COMMD1: variants seen among roughly 807,000 people sequenced by gnomAD.
The protein encoded by COMMD1 is copper metabolism domain containing 1, also known as COMM domain-containing protein 1.
A neutral mutation model predicts 17.2 loss-of-function variants in COMMD1; 10 were observed. That is an observed-to-expected ratio of 0.58 (90% CI 0.36 to 0.99). The LOEUF (loss-of-function observed/expected upper bound fraction) is 0.99, where lower values mean the gene tolerates loss of function less well. Ranked by LOEUF, COMMD1 falls within the 50% of genes least tolerant of loss-of-function variation. The pLI is 0.01. For synonymous variants in COMMD1, 97 were observed against 91.6 expected (o/e 1.06, Z -0.34); for missense variants, 270 against 231.8 (o/e 1.17, Z -1.07).
chr2:62,024,109 TC>T (rs1669689716), intron 2 of COMMD1, among the ~76,000 whole-genome samples: 1 of 152,224 alleles, frequency 6.6e-6, no homozygotes, highest in Non-Finnish European at 1.5e-5. Context: ...ACCATCATAA[TC>T]CAAATTTAAT....
chr2:62,010,336 C>G (rs1176135174), intron 2 of COMMD1, among the ~76,000 whole-genome samples: 4 of 151,910 alleles, frequency 2.6e-5, no homozygotes, highest in African/African-American at 9.7e-5. Context: ...CAGCTTCCTT[C>G]TAATCCTCAC....
intron 2 of COMMD1, among the ~76,000 whole-genome samples, chr2:62,091,713 G>A (rs142259128): frequency 5.8e-4 from 88 of 152,320 alleles, no homozygotes; most frequent in Non-Finnish European, 9.7e-4. Context: ...ACAAGCACGG[G>A]GCTGGTGGTT....
At chr2:61,920,315 A>G (rs1008857678) in intron 1 of COMMD1, among the ~76,000 whole-genome samples, 15 of 152,094 alleles carry the variant, frequency 9.9e-5, no homozygotes, top group Non-Finnish European at 1.5e-4. Context: ...GTTGGATACT[A>G]TGCTAATCAA....
At chr2:61,983,489 C>G (rs1205607962) in intron 1 of COMMD1, among the ~76,000 whole-genome samples, 1 of 152,056 alleles carries the variant, frequency 6.6e-6, no homozygotes, top group Non-Finnish European at 1.5e-5. Flanking sequence ...TGCTCCCGGC[C>G]TATAATGGCT....
chr2:62,121,257 C>T (rs1452046150), intron 2 of COMMD1, among the ~76,000 whole-genome samples: 2 of 149,916 alleles, frequency 1.3e-5, no homozygotes, highest in Non-Finnish European at 3.0e-5. Flanking sequence ...GTAATCCCAG[C>T]CACTTGGGAG....
At chr2:61,905,923 C>T (rs1572947452) in intron 1 of COMMD1, 65 bp downstream of exon 1, 3 of 1,492,920 alleles carry the variant, frequency 2.0e-6, no homozygotes, top group Non-Finnish European at 1.9e-6. Context: ...TTCAGACTCT[C>T]CCCCCCTTGC....
intron 1 of COMMD1, among the ~76,000 whole-genome samples, chr2:61,941,459 C>T (rs1488258116): frequency 1.3e-5 from 2 of 152,150 alleles, no homozygotes; most frequent in African/African-American, 4.8e-5. Context: ...TCAGATTTAC[C>T]ATGAACTGCG....
intron 1 of COMMD1, among the ~76,000 whole-genome samples, chr2:61,960,043 C>CTATGG (rs1671297812): frequency 6.6e-6 from 1 of 152,122 alleles, no homozygotes; most frequent in Non-Finnish European, 1.5e-5. Flanking sequence ...ATGGCATGGA[C>CTATGG]TATGGACTGG....
intron 1 of COMMD1, among the ~76,000 whole-genome samples, chr2:61,909,522 G>A (rs1451495213): frequency 6.6e-6 from 1 of 152,176 alleles, no homozygotes; most frequent in African/African-American, 2.4e-5. Context: ...AGCAGGTTCA[G>A]GAAATGGTGA....
chr2:62,007,892 C>A (rs1228334893), intron 2 of COMMD1, among the ~76,000 whole-genome samples: 1 of 152,052 alleles, frequency 6.6e-6, no homozygotes, highest in Non-Finnish European at 1.5e-5. Context: ...AATTAATAAT[C>A]CGTTTATGTC....
chr2:61,995,855 C>G (rs1364933676), intron 1 of COMMD1, among the ~76,000 whole-genome samples: 1 of 152,152 alleles, frequency 6.6e-6, no homozygotes, highest in African/African-American at 2.4e-5. Flanking sequence ...TTATGAGGGT[C>G]AAGTGCAGTA....
At chr2:62,076,347 T>C (rs1671336249) in intron 2 of COMMD1, among the ~76,000 whole-genome samples, 1 of 152,152 alleles carries the variant, frequency 6.6e-6, no homozygotes, top group Non-Finnish European at 1.5e-5. Flanking sequence ...GGTGGTGAGG[T>C]TGGCATCTGA....
chr2:62,108,614 G>C (rs1385637505), intron 2 of COMMD1, among the ~76,000 whole-genome samples: 1 of 152,100 alleles, frequency 6.6e-6, no homozygotes, highest in African/African-American at 2.4e-5. Context: ...AATCATCTCA[G>C]GTGATTAAGA....
intron 1 of COMMD1, among the ~76,000 whole-genome samples, chr2:61,964,257 G>T (rs1671447772): frequency 6.6e-6 from 1 of 151,976 alleles, no homozygotes; most frequent in African/African-American, 2.4e-5. Flanking sequence ...GTCTTGCTCT[G>T]TTGCCTAGGC....
intron 2 of COMMD1, among the ~76,000 whole-genome samples, chr2:62,017,053 C>T (rs1354941530): frequency 6.6e-6 from 1 of 152,196 alleles, no homozygotes; most frequent in Non-Finnish European, 1.5e-5. Flanking sequence ...AAACAGAGCT[C>T]TTATCACCCA....
At chr2:61,930,648 TGTGTGTGTGA>T (rs1296368751) in intron 1 of COMMD1, among the ~76,000 whole-genome samples, 2 of 151,796 alleles carry the variant, frequency 1.3e-5, no homozygotes, top group African/African-American at 4.8e-5. Flanking sequence ...TGTGTGTGTG[TGTGTGTGTGA>T]GTGAGTGTTT....
intron 2 of COMMD1, among the ~76,000 whole-genome samples, chr2:62,007,592 A>G (rs1271382651): frequency 1.3e-5 from 2 of 152,222 alleles, no homozygotes; most frequent in East Asian, 3.8e-4. Flanking sequence ...GTTTAGTTAC[A>G]CAAATATAAT....
At chr2:62,040,926 G>T (rs1670174933) in intron 2 of COMMD1, among the ~76,000 whole-genome samples, 1 of 152,162 alleles carries the variant, frequency 6.6e-6, no homozygotes, top group African/African-American at 2.4e-5. Flanking sequence ...GGCCAGGCTG[G>T]TCTCAAACTC....
intron 1 of COMMD1, among the ~76,000 whole-genome samples, chr2:61,964,479 G>A (rs973148985): frequency 3.9e-5 from 6 of 152,128 alleles, no homozygotes; most frequent in African/African-American, 1.4e-4. Flanking sequence ...CTCCCAAAGT[G>A]CTGGGATTAT....
Sources: allele counts gnomAD v4.1 joint callset (sites outside exome capture counted in the v4.1 genomes callset), GRCh38; gene constraint gnomAD v4.1.1; transcripts MANE v1.5; gene names NCBI Gene and HGNC (gene_info 2026-07-23, HGNC 2026-07-21).